The following GALNT17 variants were observed in gnomAD, a reference collection of about 807,000 sequenced individuals.
The protein encoded by GALNT17 is polypeptide N-acetylgalactosaminyltransferase 17.
In GALNT17, 29 loss-of-function variants were observed where a neutral mutation model predicts 63.7. The ratio of observed to expected loss-of-function variants is 0.46; its 90% CI spans 0.34 to 0.62. The LOEUF (loss-of-function observed/expected upper bound fraction) is 0.62. Among genes scored for constraint, GALNT17 ranks in the 20% least tolerant of loss-of-function variants. The pLI is 0.01. For missense variants in GALNT17, 603 were observed against 799.6 expected (o/e 0.75, Z 2.97); for synonymous variants, 305 against 318.3 (o/e 0.96, Z 0.45).
intron 5 of GALNT17, among the ~76,000 whole-genome samples, chr7:71,492,000 G>C (rs1788018129): frequency 6.6e-6 from 1 of 152,180 alleles, no homozygotes; most frequent in South Asian, 2.1e-4. Context: ...AAATAAAATA[G>C]GCTGGGCACA....
At position 71,571,296 on chromosome 7, in the gene GALNT17, T is replaced by C. The variant is rs745464755; in HGVS notation, c.974T>C (p.Met325Thr). The C allele has an allele frequency of 6.2e-7, 1 of 1,613,994 alleles. No individual in the cohort carries two copies. Among genetic ancestry groups the C allele is most frequent in the Non-Finnish European group, 8.5e-7 (1 of 1,179,890 alleles). ...DPSLPIRTPA[M>T]IGCSFVVNRK... ...TCTCCCTCCCTCAGGACCCCAGCCA[T>C]GATAGGCTGCTCGTTCGTGGTCAAC... The change falls in exon 6 of 11, where the codon ATG (methionine) becomes ACG (threonine). Residue 325 changes from methionine to threonine, a missense_variant. Physicochemically the swap from Met to Thr is moderately conservative, Grantham distance 81 (BLOSUM62 -1). Transcript: ENST00000333538.
chr7:71,268,873 G>C (rs1417661397), intron 1 of GALNT17, among the ~76,000 whole-genome samples: 3 of 152,116 alleles, frequency 2.0e-5, no homozygotes, highest in Admixed American at 6.5e-5. Context: ...GGCAGCAATA[G>C]AGTGGCCTAC....
intron 1 of GALNT17, among the ~76,000 whole-genome samples, chr7:71,302,039 C>A (rs1323527173): frequency 1.3e-5 from 2 of 152,146 alleles, no homozygotes; most frequent in East Asian, 3.9e-4. Flanking sequence ...GAGATCATGT[C>A]CTTTGCAGGG....
At chr7:71,363,279 T>A (rs2116239531) in intron 2 of GALNT17, among the ~76,000 whole-genome samples, 1 of 152,280 alleles carries the variant, frequency 6.6e-6, no homozygotes, top group Middle Eastern at 3.4e-3. Context: ...TTTGTTCCAT[T>A]TCTAATGTGT....
intron 1 of GALNT17, among the ~76,000 whole-genome samples, chr7:71,192,398 CTT>C (rs375394634): frequency 2.6e-4 from 37 of 144,300 alleles, no homozygotes; most frequent in Non-Finnish European, 3.2e-4. Context: ...ATATTTAATT[CTT>C]TTTTTTTTTT....
chr7:71,200,674 T>C (rs1465803480), intron 1 of GALNT17, among the ~76,000 whole-genome samples: 10 of 152,334 alleles, frequency 6.6e-5, no homozygotes, highest in East Asian at 1.9e-4. Flanking sequence ...TCAGTTTTTT[T>C]CTGCTTTTCT....
At chr7:71,133,301 C>A (rs1314889645) in intron 1 of GALNT17, among the ~76,000 whole-genome samples, 1 of 152,156 alleles carries the variant, frequency 6.6e-6, no homozygotes, top group Non-Finnish European at 1.5e-5. Flanking sequence ...GCTCCCGGTC[C>A]CCGCGTGCGG....
intron 2 of GALNT17, among the ~76,000 whole-genome samples, chr7:71,368,765 T>C (rs1583895486): frequency 6.6e-6 from 1 of 152,190 alleles, no homozygotes; most frequent in African/African-American, 2.4e-5. Context: ...CTAATGTTTC[T>C]GGGTGATATA....
intron 1 of GALNT17, among the ~76,000 whole-genome samples, chr7:71,319,428 T>G (rs1396794116): frequency 6.6e-6 from 1 of 152,148 alleles, no homozygotes; most frequent in Non-Finnish European, 1.5e-5. Flanking sequence ...TTTCTGATTC[T>G]ATCAGTTGGT....
At chr7:71,263,044 T>A (rs1219271799) in intron 1 of GALNT17, among the ~76,000 whole-genome samples, 1 of 151,832 alleles carries the variant, frequency 6.6e-6, no homozygotes, top group Non-Finnish European at 1.5e-5. Context: ...GGAAAGACCA[T>A]ATGAGGTTGC....
chr7:71,185,913 G>A (rs1376989847), intron 1 of GALNT17, among the ~76,000 whole-genome samples: 1 of 152,152 alleles, frequency 6.6e-6, no homozygotes, highest in Non-Finnish European at 1.5e-5. Flanking sequence ...AATATATGAA[G>A]CACAAGCTGT....
chr7:71,262,011 C>T (rs939495828), intron 1 of GALNT17, among the ~76,000 whole-genome samples: 1 of 152,098 alleles, frequency 6.6e-6, no homozygotes, highest in Non-Finnish European at 1.5e-5. Flanking sequence ...ATTACCTGAG[C>T]GTGCACCTAG....
chr7:71,592,574 TAAAATA>T (rs1789825323), intron 6 of GALNT17, among the ~76,000 whole-genome samples: 1 of 113,878 alleles, frequency 8.8e-6, no homozygotes, highest in Non-Finnish European at 1.9e-5. Context: ...TAAAATAAAA[TAAAATA>T]AAATAAAATA....
At chr7:71,658,181 C>T (rs916321518) in intron 6 of GALNT17, among the ~76,000 whole-genome samples, 1 of 152,098 alleles carries the variant, frequency 6.6e-6, no homozygotes, top group Admixed American at 6.6e-5. Flanking sequence ...TGCTGGGATT[C>T]CAGTCATATG....
intron 1 of GALNT17, among the ~76,000 whole-genome samples, chr7:71,206,605 T>C (rs1319812351): frequency 1.3e-5 from 2 of 152,214 alleles, no homozygotes; most frequent in Admixed American, 1.3e-4. Context: ...TGCAGGCTTT[T>C]CCCAATATGA....
chr7:71,601,917 T>C (rs552764343), intron 6 of GALNT17, among the ~76,000 whole-genome samples: 59 of 152,340 alleles, frequency 3.9e-4, no homozygotes, highest in Non-Finnish European at 6.6e-4. Flanking sequence ...AATCATGATA[T>C]GACTTTCTCC....
intron 5 of GALNT17, among the ~76,000 whole-genome samples, chr7:71,492,263 G>A (rs1179547477): frequency 6.6e-6 from 1 of 152,144 alleles, no homozygotes; most frequent in African/African-American, 2.4e-5. Flanking sequence ...TGGAGACAGA[G>A]CAAGACTCCG....
intron 1 of GALNT17, among the ~76,000 whole-genome samples, chr7:71,208,382 A>G (rs1324688870): frequency 3.3e-5 from 5 of 152,076 alleles, no homozygotes; most frequent in Admixed American, 3.3e-4. Context: ...CTCAGTGCAG[A>G]CAAATACCCT....
chr7:71,490,135 G>C (rs1787982018), intron 5 of GALNT17, among the ~76,000 whole-genome samples: 2 of 152,028 alleles, frequency 1.3e-5, no homozygotes, highest in African/African-American at 4.8e-5. Flanking sequence ...GGCGGCACCT[G>C]TAATCCCAGC....
Sources: gnomAD v4.1 joint callset for allele counts (sites outside exome capture counted in the v4.1 genomes callset) on GRCh38, gnomAD v4.1.1 for gene constraint, MANE v1.5 for transcripts, NCBI Gene and HGNC (gene_info 2026-07-23, HGNC 2026-07-21) for gene names.